The following SIK3 variants were observed in gnomAD, a reference collection of about 807,000 sequenced individuals.
SIK3 encodes the protein serine/threonine-protein kinase SIK3.
A neutral mutation model predicts 144.2 loss-of-function variants in SIK3; 28 were observed. That is an observed-to-expected ratio of 0.19 (90% CI 0.14 to 0.27). The LOEUF (loss-of-function observed/expected upper bound fraction) is 0.27, where lower values mean the gene tolerates loss of function less well. SIK3 is among the 10% of genes least tolerant of loss of function. The pLI is 1.00. For synonymous variants in SIK3, 686 were observed against 676.3 expected, an observed-to-expected ratio of 1.01 and a Z score of -0.22; for missense variants, 1,319 against 1,776.0, an observed-to-expected ratio of 0.74 and a Z score of 4.62.
chr11:117,014,829 C>G (rs1402799381), intron 1 of SIK3, among the ~76,000 whole-genome samples: 1 of 152,038 alleles, frequency 6.6e-6, no homozygotes, highest in African/African-American at 2.4e-5. Flanking sequence ...TTTAGGAGGC[C>G]GAGGCAGGTG....
chr11:117,067,397 A>T (rs1428881528), intron 1 of SIK3, among the ~76,000 whole-genome samples: 2 of 152,172 alleles, frequency 1.3e-5, no homozygotes, highest in African/African-American at 4.8e-5. Context: ...ACAATAAATG[A>T]ATCTTAAAGA....
intron 4 of SIK3, among the ~76,000 whole-genome samples, chr11:116,915,019 A>T (rs985170300): frequency 9.9e-5 from 15 of 152,266 alleles, no homozygotes; most frequent in African/African-American, 3.6e-4. Flanking sequence ...TTTAAGACAA[A>T]TTCATATTAT....
chr11:116,897,409 A>C, intron 4 of SIK3, 92 bp from the exon 5 acceptor site: 1 of 1,127,148 alleles, frequency 8.9e-7, no homozygotes, highest in Non-Finnish European at 1.3e-6. Flanking sequence ...ATTCCAAATC[A>C]TTGTCTGAAT....
At chr11:116,958,620 CAGG>C (rs141252153) in intron 1 of SIK3, among the ~76,000 whole-genome samples, 11,155 of 152,172 alleles carry the variant, frequency 0.073, 734 homozygotes, top group African/African-American at 0.18. Context: ...CCTTCACCTA[CAGG>C]AGAAGAGGTA....
At chr11:116,873,398 G>C in intron 13 of SIK3, 83 bp downstream of exon 13, 1 of 1,577,850 alleles carries the variant, frequency 6.3e-7, no homozygotes. Flanking sequence ...ATGTAGGTTG[G>C]CCCTGGGTTC....
At chr11:117,045,459 G>A (rs17496758) in intron 1 of SIK3, among the ~76,000 whole-genome samples, 4,691 of 152,212 alleles carry the variant, frequency 0.031, 93 homozygotes, top group Non-Finnish European at 0.035. Context: ...TAATTGCTCC[G>A]TTGGTTTCCA....
intron 12 of SIK3, 97 bp from the exon 13 acceptor site, chr11:116,873,733 G>A: frequency 6.8e-7 from 1 of 1,478,216 alleles, no homozygotes; most frequent in East Asian, 2.3e-5. Context: ...GGGAGCCATG[G>A]GTCATGACAG....
chr11:117,089,880 A>G (rs181542301), intron 1 of SIK3, among the ~76,000 whole-genome samples: 22 of 152,272 alleles, frequency 1.4e-4, no homozygotes, highest in Non-Finnish European at 4.4e-5. Context: ...TCACAATCTG[A>G]TTCCTACCTC....
intron 22 of SIK3, 64 bp from the exon 23 acceptor site, chr11:116,847,672 G>GAC: frequency 6.2e-7 from 1 of 1,603,856 alleles, no homozygotes; most frequent in Non-Finnish European, 8.5e-7. Context: ...AACCCCTAGA[G>GAC]ACAGCTGGTC....
chr11:116,868,191 C>T, intron 14 of SIK3, 102 bp from the exon 15 acceptor site: 1 of 1,433,322 alleles, frequency 7.0e-7, no homozygotes, highest in Non-Finnish European at 9.6e-7. Flanking sequence ...TGAAATAGTG[C>T]CAGAGCTCAC....
rs1941813692 is a variant in SIK3, at chr11:116,844,668, A to AT, written c.*974_*975insA. ...TATATTATATATATAATATATATAT[A>AT]CACATATATTATATTATATATATAC... On this transcript the variant is annotated 3_prime_UTR_variant, in exon 25 of 25. Transcript: ENST00000445177. 9.4e-6 allele frequency: 1 copy of AT among 105,822 alleles called. No homozygotes were observed. Among genetic ancestry groups the AT allele is most frequent in the African/African-American group, 4.3e-5 (1 of 23,378 alleles). 6.6% of individuals were successfully genotyped at this position (105,822 alleles called of 1,614,324 possible). A position where few individuals can be genotyped will look rare whatever the true frequency, so the allele number is the denominator to read the frequency against.
chr11:116,856,420 T>G (rs1254365155), intron 21 of SIK3, among the ~76,000 whole-genome samples: 1 of 152,188 alleles, frequency 6.6e-6, no homozygotes, highest in Non-Finnish European at 1.5e-5. Context: ...ACTTCTATCT[T>G]GATCTTGGTT....
At chr11:116,902,059 T>C (rs1489881435) in intron 4 of SIK3, among the ~76,000 whole-genome samples, 1 of 152,208 alleles carries the variant, frequency 6.6e-6, no homozygotes, top group Non-Finnish European at 1.5e-5. Flanking sequence ...ATGATCAGCC[T>C]TCCTCTTCTC....
intron 3 of SIK3, among the ~76,000 whole-genome samples, chr11:116,929,279 C>T (rs1471280457): frequency 1.3e-5 from 2 of 152,162 alleles, no homozygotes; most frequent in East Asian, 1.9e-4. Flanking sequence ...TTTGAAGAGA[C>T]AGCTATTCTT....
chr11:116,874,228 T>G (rs1944123853), intron 11 of SIK3, among the ~76,000 whole-genome samples, 172 bp from the exon 12 acceptor site: 1 of 152,244 alleles, frequency 6.6e-6, no homozygotes. Context: ...GTGTGGAATT[T>G]AACTCTCTGC....
chr11:117,063,104 GTACAA>G (rs1953869675), intron 1 of SIK3, among the ~76,000 whole-genome samples: 1 of 152,142 alleles, frequency 6.6e-6, no homozygotes, highest in Admixed American at 6.5e-5. Flanking sequence ...CTTACTCCTT[GTACAA>G]TATTTAAAAG....
At chr11:116,900,959 G>A (rs966049176) in intron 4 of SIK3, among the ~76,000 whole-genome samples, 28 of 151,814 alleles carry the variant, frequency 1.8e-4, no homozygotes, top group African/African-American at 6.8e-4. Context: ...CCACCTCCCA[G>A]GTTCAAGAGA....
chr11:117,087,761 T>C (rs908273848), intron 1 of SIK3, among the ~76,000 whole-genome samples: 1 of 152,238 alleles, frequency 6.6e-6, no homozygotes, highest in African/African-American at 2.4e-5. Flanking sequence ...CGTACAAGCA[T>C]GTGTTCCCTT....
rs17120119 is a variant in SIK3 at position 116,876,566 on chromosome 11, C to G, written c.985-203G>C. 0.071 allele frequency among the ~76,000 whole-genome samples: 10,767 copies of G among 152,196 alleles called. 441 individuals carry two copies. Among genetic ancestry groups the G allele is most frequent in the Middle Eastern group, 0.12 (36 of 294 alleles). ...TTCCTGAGCTCCCTGGCATACCTGG[C>G]ATGGCCATAGTGGTTTAAATAAAAG... On this transcript the variant is annotated intron_variant, in intron 7 of 24. Transcript: ENST00000445177.
Sources: allele counts gnomAD v4.1 joint callset (sites outside exome capture counted in the v4.1 genomes callset), GRCh38; gene constraint gnomAD v4.1.1; transcripts MANE v1.5; gene names NCBI Gene and HGNC (gene_info 2026-07-23, HGNC 2026-07-21).